Variants in RRAGD observed in about 807,000 individuals in gnomAD.
RRAGD encodes ras-related GTP-binding protein D.
RRAGD carries 12 observed loss-of-function variants against 35.5 expected under a neutral mutation model. That is an observed-to-expected ratio of 0.34 (90% CI 0.22 to 0.55). The LOEUF (loss-of-function observed/expected upper bound fraction) is 0.55, where lower values mean the gene tolerates loss of function less well. Among genes scored for constraint, RRAGD ranks in the 20% least tolerant of loss-of-function variants. RRAGD has a pLI of 0.91. For synonymous variants in RRAGD, 155 were observed against 178.9 expected, an observed-to-expected ratio of 0.87 and a Z score of 1.07; for missense variants, 324 against 490.1, an observed-to-expected ratio of 0.66 and a Z score of 3.20.
intron 1 of RRAGD, among the ~76,000 whole-genome samples, chr6:89,389,230 G>A (rs1769189047): frequency 1.3e-5 from 2 of 152,042 alleles, no homozygotes; most frequent in African/African-American, 4.8e-5. Context: ...TTTGCTAAGG[G>A]TCCTAGAGGG....
intron 1 of RRAGD, among the ~76,000 whole-genome samples, chr6:89,402,775 C>T (rs567960618): frequency 2.6e-5 from 4 of 152,326 alleles, no homozygotes; most frequent in Non-Finnish European, 5.9e-5. Context: ...GCTGAGCTAG[C>T]CCATGCCTGA....
intron 2 of RRAGD, 104 bp downstream of exon 2, chr6:89,387,191 T>G (rs1769151064): frequency 3.4e-6 from 4 of 1,159,526 alleles, no homozygotes; most frequent in South Asian, 1.5e-5. Flanking sequence ...AAACACTTGT[T>G]TGGTAGAAAG....
intron 1 of RRAGD, among the ~76,000 whole-genome samples, chr6:89,398,076 G>A (rs1002414844): frequency 2.6e-5 from 4 of 152,138 alleles, no homozygotes; most frequent in Admixed American, 2.0e-4. Flanking sequence ...GAACCCAGGA[G>A]GTGGAAGTTA....
intron 2 of RRAGD, among the ~76,000 whole-genome samples, chr6:89,383,893 G>A (rs1431493118): frequency 2.6e-5 from 4 of 151,888 alleles, no homozygotes; most frequent in Non-Finnish European, 5.9e-5. Context: ...GGAGGCCGAG[G>A]CGGGTGGATC....
intron 2 of RRAGD, among the ~76,000 whole-genome samples, chr6:89,381,431 C>T (rs1769041448): frequency 6.6e-6 from 1 of 152,144 alleles, no homozygotes; most frequent in Non-Finnish European, 1.5e-5. Flanking sequence ...GGAAATAAAA[C>T]ACCTACACAA....
At chr6:89,403,646 TGAGA>T (rs1302177511) in intron 1 of RRAGD, among the ~76,000 whole-genome samples, 1 of 104,578 alleles carries the variant, frequency 9.6e-6, no homozygotes, top group African/African-American at 4.3e-5. Context: ...TTTTTTTTTT[TGAGA>T]GAGAGGGTCT....
At chr6:89,398,181 T>C (rs1435836198) in intron 1 of RRAGD, among the ~76,000 whole-genome samples, 2 of 151,138 alleles carry the variant, frequency 1.3e-5, no homozygotes, top group Non-Finnish European at 3.0e-5. Flanking sequence ...GAAGAGGCAG[T>C]AGGCAGTAAG....
chr6:89,396,309 C>G (rs1368792945), intron 1 of RRAGD, among the ~76,000 whole-genome samples: 2 of 152,010 alleles, frequency 1.3e-5, no homozygotes, highest in Non-Finnish European at 2.9e-5. Flanking sequence ...GTAATAAAGA[C>G]AAGACACAGA....
At position 89,377,838 on chromosome 6, in the gene RRAGD, C is replaced by T. The variant is rs550865242; in HGVS notation, c.760-25G>A. 1.8e-5 allele frequency: 29 copies of T among 1,575,138 alleles called. No homozygotes were observed. The African/African-American group carries it at 3.0e-4, about 16-fold the overall frequency. ...TCTGAAATTTAAAAAAAAAAGTTGC[C>T]TTAAAGCAACAGTCAACTTCAGACC... On this transcript the variant is annotated intron_variant, in intron 4 of 6. Coordinates refer to ENST00000369415, the MANE Select transcript of RRAGD (RefSeq NM_021244.5).
At chr6:89,404,858 A>G (rs1427682844) in intron 1 of RRAGD, among the ~76,000 whole-genome samples, 2 of 152,176 alleles carry the variant, frequency 1.3e-5, no homozygotes, top group Admixed American at 6.5e-5. Flanking sequence ...TTGAAAGCCA[A>G]TGTTCACCTC....
Position 89,380,322 on chromosome 6 carries a change from T to C in RRAGD, c.490A>G (p.Arg164Gly), listed in dbSNP as rs1270150197. 2 of 1,614,134 alleles carry C rather than the reference T, an allele frequency of 1.2e-6. No individual in the cohort carries two copies. Among genetic ancestry groups the C allele is most frequent in the Non-Finnish European group, 1.7e-6 (2 of 1,180,048 alleles). ...ALARLHLTVTRAYKVNTDINF... is the reference protein window; with the variant it reads ...ALARLHLTVTGAYKVNTDINF... ...ATGTCAGTATTCACTTTGTAGGCCC[T>C]GGTCACCGTGAGGTGGAGCCTGGCC... The change falls in exon 3 of 7, where the codon AGG becomes GGG. Residue 164 changes from arginine to glycine, a missense_variant. Physicochemically the swap from Arg to Gly is moderately radical, Grantham distance 125 (BLOSUM62 -2). Around this residue, in one of 5 missense-constraint regions of RRAGD, gnomAD observed 152 missense variants for 296.9 expected, o/e 0.51. Transcript: ENST00000369415.
chr6:89,404,673 TC>T (rs1338778130), intron 1 of RRAGD, among the ~76,000 whole-genome samples: 1 of 152,114 alleles, frequency 6.6e-6, no homozygotes, highest in East Asian at 1.9e-4. Context: ...TCCGGAATTA[TC>T]CAGTAACCAG....
chr6:89,394,543 T>G (rs1276185902), intron 1 of RRAGD, among the ~76,000 whole-genome samples: 4 of 152,202 alleles, frequency 2.6e-5, no homozygotes, highest in African/African-American at 9.6e-5. Flanking sequence ...GGAAGTTTAT[T>G]TCCCACTTAA....
At chr6:89,398,675 C>A (rs1314843318) in intron 1 of RRAGD, among the ~76,000 whole-genome samples, 1 of 152,240 alleles carries the variant, frequency 6.6e-6, no homozygotes, top group East Asian at 1.9e-4. Context: ...AAGGTGCCTA[C>A]AATGTGCCAG....
intron 2 of RRAGD, among the ~76,000 whole-genome samples, chr6:89,385,370 A>G (rs1189537464): frequency 6.6e-6 from 1 of 152,160 alleles, no homozygotes; most frequent in East Asian, 1.9e-4. Flanking sequence ...CAGTTCAACA[A>G]CTACAGAAAC....
At chr6:89,402,463 C>T (rs1202357753) in intron 1 of RRAGD, among the ~76,000 whole-genome samples, 1 of 152,084 alleles carries the variant, frequency 6.6e-6, no homozygotes, top group Admixed American at 6.5e-5. Flanking sequence ...TTCTAGAACA[C>T]AAATGACAAA....
intron 1 of RRAGD, among the ~76,000 whole-genome samples, chr6:89,395,953 C>T (rs955120424): frequency 2.7e-4 from 37 of 139,540 alleles, no homozygotes; most frequent in African/African-American, 1.1e-3. Flanking sequence ...GATGGACCAA[C>T]TGGACATCCA....
At chr6:89,390,661 G>T (rs570964761) in intron 1 of RRAGD, among the ~76,000 whole-genome samples, 1 of 152,226 alleles carries the variant, frequency 6.6e-6, no homozygotes, top group Non-Finnish European at 1.5e-5. Flanking sequence ...ACTTTGAGAG[G>T]TCAAGGCAGG....
At chr6:89,371,840 G>A (rs1477243070) in intron 6 of RRAGD, among the ~76,000 whole-genome samples, 1 of 152,090 alleles carries the variant, frequency 6.6e-6, no homozygotes, top group Non-Finnish European at 1.5e-5. Context: ...AATTGCTTTT[G>A]TTTCAAAATA....
Sources: gnomAD v4.1 joint callset for allele counts (sites outside exome capture counted in the v4.1 genomes callset) on GRCh38, gnomAD v4.1.1 for gene constraint, gnomAD v4.1.1 regional missense constraint, MANE v1.5 for transcripts, NCBI Gene and HGNC (gene_info 2026-07-23, HGNC 2026-07-21) for gene names.